Variants in SCYL2 observed in about 807,000 individuals in gnomAD.
SCYL2 encodes SCY1 like pseudokinase 2, also known as SCY1-like protein 2.
A neutral mutation model predicts 100.4 loss-of-function variants in SCYL2; 36 were observed. That is an observed-to-expected ratio of 0.36 (90% CI 0.27 to 0.47). The LOEUF is 0.47. SCYL2 is among the 20% of genes least tolerant of loss of function. SCYL2 has a pLI of 1.00. For missense variants in SCYL2, 902 were observed against 1,083.9 expected (o/e 0.83, Z 2.36); for synonymous variants, 330 against 359.2 (o/e 0.92, Z 0.92).
chr12:100,311,027 G>T lies in SCYL2; in HGVS notation c.481-17G>T. 1 of 1,528,660 alleles carries T rather than the reference G, an allele frequency of 6.5e-7. No individual in the cohort carries two copies. Among genetic ancestry groups the T allele is most frequent in the African/African-American group, 1.4e-5 (1 of 71,006 alleles). 94.7% of individuals were successfully genotyped at this position (1,528,660 alleles called of 1,614,324 possible). A position where few individuals can be genotyped will look rare whatever the true frequency, so the allele number is the denominator to read the frequency against. On this transcript the variant is annotated splice_polypyrimidine_tract_variant and intron_variant, in intron 4 of 17. Coordinates refer to ENST00000360820, the MANE Select transcript of SCYL2 (RefSeq NM_017988.6). ...AGGAGTTTTATTTAGTGTAAAATGT[G>T]TTTTTTCCATTTACAGGTTTCTGAA...
chr12:100,319,606 G>A (rs746452300), intron 10 of SCYL2, among the ~76,000 whole-genome samples: 1 of 152,118 alleles, frequency 6.6e-6, no homozygotes, highest in Non-Finnish European at 1.5e-5. Flanking sequence ...TGCAACCTCC[G>A]CCTCCTGGGT....
chr12:100,328,504 C>T (rs1190154105), intron 12 of SCYL2, among the ~76,000 whole-genome samples: 2 of 152,160 alleles, frequency 1.3e-5, no homozygotes, highest in Non-Finnish European at 2.9e-5. Context: ...TAAAGTTACT[C>T]TTTGGGTATA....
At chr12:100,271,791 G>T (rs1592923109) in intron 1 of SCYL2, among the ~76,000 whole-genome samples, 2 of 152,330 alleles carry the variant, frequency 1.3e-5, no homozygotes, top group South Asian at 2.1e-4. Context: ...AGCTTGGGAA[G>T]CTGGGGAAAA....
At chr12:100,321,508 C>T (rs1013064865) in intron 10 of SCYL2, among the ~76,000 whole-genome samples, 41 of 152,160 alleles carry the variant, frequency 2.7e-4, no homozygotes, top group African/African-American at 9.7e-4. Context: ...CTGTTATTCC[C>T]AGAATTTGCC....
chr12:100,278,554 A>G (rs543181626), intron 1 of SCYL2, among the ~76,000 whole-genome samples: 25 of 151,532 alleles, frequency 1.6e-4, no homozygotes, highest in Non-Finnish European at 3.7e-4. Context: ...CTAGGCTGAC[A>G]GTTTCGTTTA....
At chr12:100,274,714 A>G (rs1266880738) in intron 1 of SCYL2, among the ~76,000 whole-genome samples, 1 of 152,344 alleles carries the variant, frequency 6.6e-6, no homozygotes, top group African/African-American at 2.4e-5. Flanking sequence ...GTGGGAAAAA[A>G]TTGTGAACAA....
chr12:100,330,069 C>T (rs1221006578), intron 13 of SCYL2, among the ~76,000 whole-genome samples: 1 of 152,120 alleles, frequency 6.6e-6, no homozygotes, highest in Non-Finnish European at 1.5e-5. Context: ...ACAGGTTCAG[C>T]CCACACTCAA....
At chr12:100,301,886 T>C (rs572398161) in intron 4 of SCYL2, among the ~76,000 whole-genome samples, 1 of 152,328 alleles carries the variant, frequency 6.6e-6, no homozygotes, top group East Asian at 1.9e-4. Flanking sequence ...GTCACCGCCC[T>C]GAAGCCAGCA....
At chr12:100,316,727 C>T (rs914650783) in intron 9 of SCYL2, among the ~76,000 whole-genome samples, 2 of 152,204 alleles carry the variant, frequency 1.3e-5, no homozygotes, top group African/African-American at 4.8e-5. Context: ...AGCTATGCAT[C>T]AGTCAAGATA....
chr12:100,306,573 A>G (rs2096334652), intron 4 of SCYL2, among the ~76,000 whole-genome samples: 1 of 152,252 alleles, frequency 6.6e-6, no homozygotes. Context: ...AGCTGGAAGC[A>G]TTCCTTTTGA....
chr12:100,315,326 G>C (rs1400716506), intron 8 of SCYL2, among the ~76,000 whole-genome samples: 1 of 152,122 alleles, frequency 6.6e-6, no homozygotes, highest in Non-Finnish European at 1.5e-5. Flanking sequence ...GTTTCCTACA[G>C]GTAGGGTGAC....
chr12:100,312,338 A>G (rs886181836), intron 5 of SCYL2, 94 bp from the exon 6 acceptor site: 2 of 950,982 alleles, frequency 2.1e-6, no homozygotes, highest in Admixed American at 2.4e-5. Flanking sequence ...TTTTACTTGC[A>G]TGACCGAGTA....
At position 100,312,468 on chromosome 12, in the gene SCYL2, C is replaced by G. The variant is rs2096343311; in HGVS notation, c.667C>G (p.Pro223Ala). ...TTGTAAAGAATGGGACCCAAATTTACCTTCATTGTGTCTTCCAAATCCTGA... is the reference window on the plus strand; with the variant it reads ...TTGTAAAGAATGGGACCCAAATTTAGCTTCATTGTGTCTTCCAAATCCTGA... ...FPCKEWDPNL[P>A]SLCLPNPEYL... The change falls in exon 6 of 18, where the codon CCT becomes GCT. Residue 223 changes from proline to alanine, a missense_variant. Transcript: ENST00000360820. 1 of 1,613,066 alleles carries G rather than the reference C, an allele frequency of 6.2e-7. No homozygotes were observed. The highest frequency in any genetic ancestry group is 1.3e-5 in the African/African-American group (1 of 74,902).
At chr12:100,309,139 C>T (rs375675779) in intron 4 of SCYL2, among the ~76,000 whole-genome samples, 249 of 139,000 alleles carry the variant, frequency 1.8e-3, no homozygotes, top group Non-Finnish European at 2.5e-3. Context: ...TGTGTGCGCG[C>T]GCGTGTGTGC....
At chr12:100,317,645 A>T in intron 9 of SCYL2, 158 bp from the exon 10 acceptor site, 1 of 1,405,108 alleles carries the variant, frequency 7.1e-7, no homozygotes, top group Non-Finnish European at 9.2e-7. Flanking sequence ...AATGTAAGAG[A>T]CTTGATTTGT....
intron 1 of SCYL2, among the ~76,000 whole-genome samples, chr12:100,281,011 C>G (rs1045325438): frequency 1.4e-5 from 2 of 142,220 alleles, no homozygotes; most frequent in African/African-American, 2.8e-5. Context: ...TGTCCCTTTA[C>G]CATCAGTGTT....
At chr12:100,301,897 C>T (rs1009060413) in intron 4 of SCYL2, among the ~76,000 whole-genome samples, 1 of 152,220 alleles carries the variant, frequency 6.6e-6, no homozygotes, top group African/African-American at 2.4e-5. Flanking sequence ...GAAGCCAGCA[C>T]AGCCCAAGAC....
chr12:100,267,230 C>T lies in SCYL2; in HGVS notation c.-591C>T, dbSNP rs1183627685. On this transcript the variant is annotated 5_prime_UTR_variant, in exon 1 of 18. Transcript: ENST00000360820. ...TCCCCGGTCCCTCCCCTCCCCACCC[C>T]TTTCCTTCTAGCTCCGACGTTTGCG... The T allele has an allele frequency of 1.1e-5, 9 of 787,928 alleles. No homozygotes were observed. The highest frequency in any genetic ancestry group is 1.9e-5 in the South Asian group (1 of 52,380). The allele number at this position is 787,928 out of a possible 1,614,324, so 48.8% of individuals were successfully genotyped here.
intron 10 of SCYL2, among the ~76,000 whole-genome samples, chr12:100,318,782 A>G (rs2096352358): frequency 6.6e-6 from 1 of 152,246 alleles, no homozygotes; most frequent in African/African-American, 2.4e-5. Flanking sequence ...AAAAGCAGAC[A>G]GTAATTTAGT....
Sources: gnomAD v4.1 joint callset for allele counts (sites outside exome capture counted in the v4.1 genomes callset) on GRCh38, gnomAD v4.1.1 for gene constraint, MANE v1.5 for transcripts, NCBI Gene and HGNC (gene_info 2026-07-23, HGNC 2026-07-21) for gene names.